The following BTBD2 variants were observed in gnomAD, a reference collection of about 807,000 sequenced individuals.
BTBD2 encodes the protein BTB/POZ domain-containing protein 2.
Under a neutral mutation model 44.0 loss-of-function variants are expected in BTBD2, and 15 were observed. The ratio of observed to expected loss-of-function variants is 0.34; its 90% CI spans 0.23 to 0.53. The LOEUF (loss-of-function observed/expected upper bound fraction) is 0.53. BTBD2 is among the 20% of genes least tolerant of loss of function. The probability of loss-of-function intolerance (pLI) is 0.95; values close to 1 mark genes in which losing one functional copy is unlikely to be tolerated. For synonymous variants in BTBD2, 443 were observed against 335.9 expected, an observed-to-expected ratio of 1.32 and a Z score of -3.49; for missense variants, 657 against 746.4, an observed-to-expected ratio of 0.88 and a Z score of 1.39.
chr19:1,993,023 C>T lies in BTBD2; in HGVS notation c.681G>A (p.Thr227=), dbSNP rs771871338. Residue 227 remains threonine (T), a synonymous_variant, in exon 3 of 9, where the codon ACG becomes ACA. Transcript: ENST00000255608. The part of the protein sequence containing the change: ...LRADNAFMLL[T]QARLFDEPQL... ...GCCTCGTACCGGCCCCGCCCACCTG[C>T]GTGAGCAGCATGAAGGCGTTGTCGG... 6.3e-7 allele frequency: 1 copy of T among 1,582,030 alleles called. No individual in the cohort carries two copies. Among genetic ancestry groups the T allele is most frequent in the Non-Finnish European group, 8.5e-7 (1 of 1,169,820 alleles).
At position 2,015,242 on chromosome 19, in the gene BTBD2, C is replaced by T. The variant is rs1393896196; in HGVS notation, c.407+55G>A. 4.0e-6 allele frequency: 6 copies of T among 1,489,856 alleles called. 1 individual carries two copies. In the Admixed American group the frequency reaches 6.4e-5, roughly 16 times the overall value. 92.3% of individuals were successfully genotyped at this position (1,489,856 alleles called of 1,614,324 possible). ...GGGTGCAGGGCCTCAGGTGCAGGGC[C>T]CGGGCAGCAGGCTGGGTGGGTCGGG... On this transcript the variant is annotated intron_variant, in intron 1 of 8. Coordinates refer to ENST00000255608, the MANE Select transcript of BTBD2 (RefSeq NM_017797.4).
At chr19:1,988,833 C>T (rs1233387985) in intron 5 of BTBD2, among the ~76,000 whole-genome samples, 2 of 152,218 alleles carry the variant, frequency 1.3e-5, no homozygotes, top group Admixed American at 6.5e-5. Flanking sequence ...AAACTCCTGA[C>T]CTCAAGTGAT....
At position 2,013,799 on chromosome 19, in the gene BTBD2, G is replaced by T. The variant is rs557310383; in HGVS notation, c.407+1498C>A. The T allele has an allele frequency of 1.5e-5, 7 of 455,074 alleles. No homozygotes were observed. In the South Asian group the frequency reaches 3.7e-4, roughly 24 times the overall value. The allele number at this position is 455,074 out of a possible 1,614,324, so 28.2% of individuals were successfully genotyped here. ...GGGGGTCTCCGGTGGGGGTCACTGG[G>T]TCTGGAGGCAGCAGGGAGGACGCAG... On this transcript the variant is annotated intron_variant, in intron 1 of 8. Coordinates refer to ENST00000255608, the MANE Select transcript of BTBD2 (RefSeq NM_017797.4).
rs555016600 is a variant in BTBD2 at position 1,995,786 on chromosome 19, G to A, written c.527+1558C>T. 1.4e-3 allele frequency among the ~76,000 whole-genome samples: 211 copies of A among 151,802 alleles called. 1 individual carries two copies. The highest frequency in any genetic ancestry group is 4.8e-3 in the African/African-American group (198 of 41,398). On this transcript the variant is annotated intron_variant, in intron 2 of 8. Transcript: ENST00000255608. ...CAAGTAGCTGCGACTACGGGCGTCC[G>A]CCACCATGCCCGGCTAATTTTCTTA... is the stretch of plus-strand genomic sequence containing the variant.
Position 1,986,051 on chromosome 19 carries a change from C to T in BTBD2, c.*437G>A, listed in dbSNP as rs149995359. ...AAAGGAACGCAAGGTCTGGGACCCA[C>T]GGCTCTGGGAGCAGCGCCACCCAGG... is the stretch of plus-strand genomic sequence containing the variant. On this transcript the variant is annotated 3_prime_UTR_variant, in exon 9 of 9. Coordinates refer to ENST00000255608, the MANE Select transcript of BTBD2 (RefSeq NM_017797.4). 8.2e-3 allele frequency: 1,443 copies of T among 175,150 alleles called. 11 individuals are homozygous for T. The highest frequency in any genetic ancestry group is 0.013 in the Non-Finnish European group (1,098 of 82,340). 10.8% of individuals were successfully genotyped at this position (175,150 alleles called of 1,614,324 possible). A position where few individuals can be genotyped will look rare whatever the true frequency, so the allele number is the denominator to read the frequency against.
Position 1,990,840 on chromosome 19 carries a change from CGGG to C in BTBD2, c.685-21_685-19del, listed in dbSNP as rs746590627. On this transcript the variant is annotated intron_variant, in intron 3 of 8. Transcript: ENST00000255608. Reference sequence around the variant, plus strand: ...AGTCGCGCCTGGCAAGAGACATCGACGGGGGGCGCGGTGGGGACATCAGCACCC... The same window carrying C: ...AGTCGCGCCTGGCAAGAGACATCGACGGGCGCGGTGGGGACATCAGCACCC... 6.5e-7 allele frequency: 1 copy of C among 1,541,190 alleles called. No individual in the cohort carries two copies. The highest frequency in any genetic ancestry group is 8.7e-7 in the Non-Finnish European group (1 of 1,146,058).
chr19:2,010,872 C>T (rs1462760985), intron 1 of BTBD2, among the ~76,000 whole-genome samples: 1 of 152,176 alleles, frequency 6.6e-6, no homozygotes, highest in Non-Finnish European at 1.5e-5. Flanking sequence ...CCCCTGACCT[C>T]AGATGTCTGC....
In BTBD2 at chr19:2,015,538, CAGGGGCGGCGGCGGCGGCGG is replaced by C; in HGVS notation, c.146_165del (p.Ala49GlyfsTer92). ...CCCGGCGGGGCGGGCGGCGTCGGCC[CAGGGGCGGCGGCGGCGGCGG>C]CGGCGGCGGCGGCGGCGGCGGCCGC... On this transcript the variant is annotated frameshift_variant, in exon 1 of 9. Coordinates refer to ENST00000255608, the MANE Select transcript of BTBD2 (RefSeq NM_017797.4). LOFTEE classifies it high-confidence loss of function. 1.1e-6 allele frequency: 1 copy of C among 921,144 alleles called. No homozygotes were observed. Among genetic ancestry groups the C allele is most frequent in the Non-Finnish European group, 1.2e-6 (1 of 807,044 alleles). 57.1% of individuals were successfully genotyped at this position (921,144 alleles called of 1,614,324 possible). A position where few individuals can be genotyped will look rare whatever the true frequency, so the allele number is the denominator to read the frequency against.
intron 5 of BTBD2, among the ~76,000 whole-genome samples, chr19:1,988,721 A>G (rs2016129861): frequency 6.6e-6 from 1 of 152,084 alleles, no homozygotes; most frequent in African/African-American, 2.4e-5. Flanking sequence ...CTCCTGCCTC[A>G]GCCTCCAGCA....
rs1047635802 is a variant in BTBD2 at position 1,986,097 on chromosome 19, G to T, written c.*391C>A. 1.5e-5 allele frequency: 3 copies of T among 199,962 alleles called. No individual in the cohort carries two copies. The highest frequency in any genetic ancestry group is 1.1e-4 in the Admixed American group (2 of 18,314). 12.4% of individuals were successfully genotyped at this position (199,962 alleles called of 1,614,324 possible). On this transcript the variant is annotated 3_prime_UTR_variant, in exon 9 of 9. Transcript: ENST00000255608. Reference sequence around the variant, plus strand: ...CCAGGCTGGCTCCTAGCAGAGAAATGGGAATCGCAAATGCATTGCAATGTG... The same window carrying T: ...CCAGGCTGGCTCCTAGCAGAGAAATTGGAATCGCAAATGCATTGCAATGTG...
chr19:1,986,704 G>A, intron 8 of BTBD2, 55 bp from the exon 9 acceptor site: 1 of 1,599,496 alleles, frequency 6.3e-7, no homozygotes, highest in East Asian at 2.2e-5. Flanking sequence ...GGATGCCCCA[G>A]GTGTGGACAG....
chr19:1,987,822 T>G, intron 5 of BTBD2, 130 bp from the exon 6 acceptor site: 1 of 928,362 alleles, frequency 1.1e-6, no homozygotes, highest in Non-Finnish European at 1.6e-6. Flanking sequence ...GGGCAGCCCC[T>G]CCCCGGGGGA....
chr19:2,009,756 A>C (rs1487280653), intron 1 of BTBD2, among the ~76,000 whole-genome samples: 2 of 152,140 alleles, frequency 1.3e-5, no homozygotes, highest in Non-Finnish European at 2.9e-5. Flanking sequence ...AGGCTGAGAC[A>C]GGAGAATTGC....
chr19:1,988,672 C>T (rs938017941), intron 5 of BTBD2: 1 of 148,134 alleles, frequency 6.8e-6, no homozygotes, highest in Admixed American at 6.6e-5. Context: ...GGCGTAATCT[C>T]GGCTCACCGC....
chr19:1,999,336 G>T (rs1159193754), intron 1 of BTBD2, among the ~76,000 whole-genome samples: 1 of 152,208 alleles, frequency 6.6e-6, no homozygotes, highest in Non-Finnish European at 1.5e-5. Flanking sequence ...AGGCGCCGGG[G>T]AAGGCTGGCC....
rs112334964 is a variant in BTBD2, at chr19:2,006,594, A to C, written c.407+8703T>G. Among the ~76,000 whole-genome samples, 152 of 152,206 alleles carry C rather than the reference A, an allele frequency of 1.0e-3. 4 individuals carry two copies. The highest frequency in any genetic ancestry group is 4.6e-4 in the Non-Finnish European group (31 of 68,024). On this transcript the variant is annotated intron_variant, in intron 1 of 8. Transcript: ENST00000255608. ...TCAGTAAATTCCTTTATCACTTGAC[A>C]AACTGATTCTCAAGATCATCAGGCA...
At chr19:1,997,878 AC>A (rs764692571) in intron 1 of BTBD2, among the ~76,000 whole-genome samples, 1 of 152,198 alleles carries the variant, frequency 6.6e-6, no homozygotes, top group Non-Finnish European at 1.5e-5. Flanking sequence ...GCATTCATTC[AC>A]ACAGGCGTTC....
At position 1,986,626 on chromosome 19, in the gene BTBD2, G is replaced by C. The variant is rs1290611837; in HGVS notation, c.1440C>G (p.Thr480=). ...CGTGTGTCACCTTGCGCAGGCCTTT[G>C]GTGCCGTAGTGGGAGTCTGGGCCCT... The part of the protein sequence containing the change: ...TLKGPDSHYG[T]KGLRKVTHES... The change falls in exon 9 of 9, where the codon ACC becomes ACG. Residue 480 remains threonine (T), a synonymous_variant. Transcript: ENST00000255608. The C allele has an allele frequency of 6.2e-7, 1 of 1,613,910 alleles. No homozygotes were observed. Among genetic ancestry groups the C allele is most frequent in the Non-Finnish European group, 8.5e-7 (1 of 1,179,876 alleles).
chr19:2,013,809 A>G, intron 1 of BTBD2: 1 of 367,628 alleles, frequency 2.7e-6, no homozygotes, highest in Non-Finnish European at 3.7e-6. Context: ...GTCTGGAGGC[A>G]GCAGGGAGGA....
Sources: allele counts gnomAD v4.1 joint callset (sites outside exome capture counted in the v4.1 genomes callset), GRCh38; gene constraint gnomAD v4.1.1; transcripts MANE v1.5; gene names NCBI Gene and HGNC (gene_info 2026-07-23, HGNC 2026-07-21).